Variants in IRAK2 observed in about 807,000 individuals in gnomAD.
The protein encoded by IRAK2 is interleukin 1 receptor associated kinase 2.
In IRAK2, 57 loss-of-function variants were observed where a neutral mutation model predicts 72.0. The observed-to-expected ratio is 0.79, with a 90% confidence interval of 0.64 to 0.99. The LOEUF (loss-of-function observed/expected upper bound fraction) is 0.99. IRAK2 is among the 50% of genes least tolerant of loss of function. The pLI is 0.00. For synonymous variants in IRAK2, 293 were observed against 312.7 expected (o/e 0.94, Z 0.67); for missense variants, 790 against 794.4 (o/e 0.99, Z 0.07).
chr3:10,213,978 G>T (rs887325936), intron 6 of IRAK2, among the ~76,000 whole-genome samples: 1 of 151,764 alleles, frequency 6.6e-6, no homozygotes, highest in East Asian at 1.9e-4. Flanking sequence ...TCCCAGGCTG[G>T]AGTGCAGTGG....
At chr3:10,234,287 C>A (rs1273148851) in intron 10 of IRAK2, among the ~76,000 whole-genome samples, 172 bp from the exon 11 acceptor site, 2 of 152,154 alleles carry the variant, frequency 1.3e-5, no homozygotes, top group Admixed American at 6.6e-5. Flanking sequence ...AAATCGAATC[C>A]TTCTCCATTT....
chr3:10,225,700 T>TG, intron 9 of IRAK2, among the ~76,000 whole-genome samples: 1 of 140,886 alleles, frequency 7.1e-6, no homozygotes, highest in Non-Finnish European at 1.5e-5. Context: ...GGTTTTTTGG[T>TG]GTTTTTTTTT....
rs139076760 is a variant in IRAK2, at chr3:10,234,495, G to A, written c.1309G>A (p.Ala437Thr). ...CCTCAGTGATATTCCAAGCAGCACC[G>A]CCTCGCTCTGCTCCAGGAAGACGGG... ...LLLSDIPSST[A>T]SLCSRKTGVE... is the part of the protein sequence containing the mutation. Residue 437 changes from alanine to threonine, a missense_variant, in exon 11 of 13, where the codon GCC becomes ACC. Ala to Thr is a moderately conservative substitution (Grantham distance 58). Transcript: ENST00000256458. The A allele has an allele frequency of 5.6e-6, 9 of 1,614,002 alleles. No individual in the cohort carries two copies. Among genetic ancestry groups the A allele is most frequent in the East Asian group, 2.2e-5 (1 of 44,888 alleles).
rs13317885 is a variant in IRAK2, at chr3:10,228,969, G to A, written c.1272+2536G>A. ...TTTTTTCGAGACAGAGTCTCGCTCT[G>A]TTGCCCAGGCTGGAGTGCAGTGGGC... On this transcript the variant is annotated intron_variant, in intron 10 of 12. Coordinates refer to ENST00000256458, the MANE Select transcript of IRAK2 (RefSeq NM_001570.4). 2.5e-3 allele frequency among the ~76,000 whole-genome samples: 374 copies of A among 150,786 alleles called. 1 individual carries two copies. Among genetic ancestry groups the A allele is most frequent in the African/African-American group, 8.7e-3 (357 of 41,050 alleles).
intron 10 of IRAK2, 127 bp from the exon 11 acceptor site, chr3:10,234,331 AT>A (rs1324921714): frequency 2.8e-6 from 2 of 704,886 alleles, no homozygotes; most frequent in African/African-American, 1.8e-5. Flanking sequence ...GAATCCTTGC[AT>A]TTATTCTTAC....
intron 4 of IRAK2, among the ~76,000 whole-genome samples, chr3:10,212,786 A>C (rs1697540073): frequency 8.4e-6 from 1 of 118,720 alleles, no homozygotes; most frequent in African/African-American, 3.2e-5. Flanking sequence ...TTTTTTTGAG[A>C]CAGAGTCTCG....
chr3:10,197,448 C>A (rs1697288138), intron 2 of IRAK2, among the ~76,000 whole-genome samples: 1 of 151,832 alleles, frequency 6.6e-6, no homozygotes. Context: ...TTCTTATCCT[C>A]AATATGTGGA....
At chr3:10,205,973 C>T (rs1438843635) in intron 3 of IRAK2, among the ~76,000 whole-genome samples, 3 of 152,058 alleles carry the variant, frequency 2.0e-5, no homozygotes, top group Non-Finnish European at 2.9e-5. Context: ...AGGACGGGGG[C>T]CCTGTGCTGG....
rs1340418696 is a variant in IRAK2 at position 10,236,341 on chromosome 3, GGTTTTTTT to G, written c.1473+1683_1473+1690del. Reference sequence around the variant, plus strand: ...GTAAGGATTTTTGCAGAGCCACTAAGGTTTTTTTTTTTTTTTTTTTTTTTTTAACAGAA... The same window carrying G: ...GTAAGGATTTTTGCAGAGCCACTAAGTTTTTTTTTTTTTTTTTTAACAGAA... On this transcript the variant is annotated intron_variant, in intron 11 of 12. Coordinates refer to ENST00000256458, the MANE Select transcript of IRAK2 (RefSeq NM_001570.4). 8.0e-5 allele frequency among the ~76,000 whole-genome samples: 10 copies of G among 125,236 alleles called. No individual in the cohort carries two copies. The East Asian group carries it at 1.4e-3, about 18-fold the overall frequency. The allele number at this position is 125,236 out of a possible 152,430, so 82.2% of individuals were successfully genotyped here. A position where few individuals can be genotyped will look rare whatever the true frequency, so the allele number is the denominator to read the frequency against.
chr3:10,179,625 G>T (rs1696931299), intron 2 of IRAK2, among the ~76,000 whole-genome samples: 1 of 151,856 alleles, frequency 6.6e-6, no homozygotes, highest in South Asian at 2.1e-4. Context: ...GTATAGACGG[G>T]GTTTCACTGT....
intron 4 of IRAK2, among the ~76,000 whole-genome samples, chr3:10,211,731 G>A (rs1413266494): frequency 1.3e-5 from 2 of 152,028 alleles, no homozygotes; most frequent in East Asian, 3.8e-4. Context: ...ATGGATAATG[G>A]GGTTATGGAT....
chr3:10,176,808 T>TCA, intron 1 of IRAK2, among the ~76,000 whole-genome samples: 1 of 146,528 alleles, frequency 6.8e-6, no homozygotes. Flanking sequence ...AGACAGGGTC[T>TCA]TTTTTTTGTT....
At chr3:10,215,136 C>T (rs1697582030) in intron 6 of IRAK2, among the ~76,000 whole-genome samples, 1 of 151,468 alleles carries the variant, frequency 6.6e-6, no homozygotes, top group Non-Finnish European at 1.5e-5. Context: ...CCTGTAATGC[C>T]AGCACTTTGG....
intron 2 of IRAK2, among the ~76,000 whole-genome samples, chr3:10,183,538 A>G (rs1696995859): frequency 1.3e-5 from 2 of 152,170 alleles, no homozygotes; most frequent in African/African-American, 2.4e-5. Flanking sequence ...TAACACAGTG[A>G]AACCCTGCCT....
chr3:10,198,777 A>C (rs1013858434), intron 2 of IRAK2, among the ~76,000 whole-genome samples: 4 of 152,026 alleles, frequency 2.6e-5, no homozygotes, highest in Non-Finnish European at 5.9e-5. Context: ...ATGTTGCTGG[A>C]GATGTTTTGT....
At chr3:10,194,258 T>C (rs1309734403) in intron 2 of IRAK2, among the ~76,000 whole-genome samples, 1 of 152,232 alleles carries the variant, frequency 6.6e-6, no homozygotes, top group Non-Finnish European at 1.5e-5. Context: ...AGCCGACGCT[T>C]CCCCACGCTT....
chr3:10,243,677 G>A lies in IRAK2; in HGVS notation c.*1449G>A, dbSNP rs1698095013. 6.6e-6 allele frequency: 1 copy of A among 152,098 alleles called. No individual in the cohort carries two copies. The highest frequency in any genetic ancestry group is 2.4e-5 in the African/African-American group (1 of 40,994). The allele number at this position is 152,098 out of a possible 1,614,324, so 9.4% of individuals were successfully genotyped here. A position where few individuals can be genotyped will look rare whatever the true frequency, so the allele number is the denominator to read the frequency against. On this transcript the variant is annotated 3_prime_UTR_variant, in exon 13 of 13. Transcript: ENST00000256458. ...AGATGCTATTTTAAATTCACTGGGA[G>A]AAATATCCTATTTAAAGTAATCTAT...
At chr3:10,191,878 A>AAATGAATG (rs201260866) in intron 2 of IRAK2, among the ~76,000 whole-genome samples, 5 of 152,144 alleles carry the variant, frequency 3.3e-5, no homozygotes, top group African/African-American at 1.2e-4. Flanking sequence ...CCCTAACACA[A>AAATGAATG]AATGAATGAA....
intron 10 of IRAK2, among the ~76,000 whole-genome samples, chr3:10,233,554 T>C (rs1203201618): frequency 6.6e-6 from 1 of 152,152 alleles, no homozygotes; most frequent in African/African-American, 2.4e-5. Flanking sequence ...ATAAAATATA[T>C]GTAAATACAA....
Sources: allele counts gnomAD v4.1 joint callset (sites outside exome capture counted in the v4.1 genomes callset), GRCh38; gene constraint gnomAD v4.1.1; transcripts MANE v1.5; gene names NCBI Gene and HGNC (gene_info 2026-07-23, HGNC 2026-07-21).